Variants in DACH1 observed in about 807,000 individuals in gnomAD.
DACH1 encodes dachshund family transcription factor 1.
In DACH1, 12 loss-of-function variants were observed where a neutral mutation model predicts 54.2. That is an observed-to-expected ratio of 0.22 (90% CI 0.14 to 0.36). The LOEUF (loss-of-function observed/expected upper bound fraction) is 0.36. DACH1 is among the 10% of genes least tolerant of loss of function. DACH1 has a pLI of 1.00. For synonymous variants in DACH1, 386 were observed against 366.2 expected (o/e 1.05, Z -0.62); for missense variants, 805 against 929.8 (o/e 0.87, Z 1.75).
At chr13:71,635,275 C>T (rs1319895476) in intron 2 of DACH1, among the ~76,000 whole-genome samples, 1 of 152,146 alleles carries the variant, frequency 6.6e-6, no homozygotes, top group Non-Finnish European at 1.5e-5. Context: ...GTATGTCTTG[C>T]CTAGGGCTGG....
At chr13:71,598,776 A>C (rs2138484123) in intron 3 of DACH1, among the ~76,000 whole-genome samples, 1 of 152,230 alleles carries the variant, frequency 6.6e-6, no homozygotes, top group East Asian at 1.9e-4. Context: ...AAAATAGAAA[A>C]CCTATTTAAT....
chr13:71,512,906 T>C (rs972185134), intron 6 of DACH1, among the ~76,000 whole-genome samples: 2 of 151,880 alleles, frequency 1.3e-5, no homozygotes, highest in African/African-American at 4.8e-5. Context: ...AGATTATACA[T>C]TTTTAAAAAG....
chr13:71,841,255 G>T (rs1257759131), intron 1 of DACH1, among the ~76,000 whole-genome samples: 3 of 151,984 alleles, frequency 2.0e-5, no homozygotes, highest in Non-Finnish European at 4.4e-5. Context: ...TATGTGCTGT[G>T]AGGCAACTCA....
intron 1 of DACH1, among the ~76,000 whole-genome samples, chr13:71,790,957 C>T (rs1324649399): frequency 1.3e-5 from 2 of 152,150 alleles, no homozygotes; most frequent in Non-Finnish European, 2.9e-5. Context: ...AACATATGAA[C>T]ATTAAATCTG....
chr13:71,748,954 C>CTT (rs1884794826), intron 1 of DACH1, among the ~76,000 whole-genome samples: 4 of 43,376 alleles, frequency 9.2e-5, no homozygotes, highest in East Asian at 3.8e-4. Context: ...CTTTCTTTCT[C>CTT]TCTTTCTTTC....
intron 1 of DACH1, among the ~76,000 whole-genome samples, chr13:71,705,446 A>C (rs1181807796): frequency 6.6e-6 from 1 of 152,224 alleles, no homozygotes; most frequent in African/African-American, 2.4e-5. Flanking sequence ...CTTGCTTATA[A>C]GTAGATAAGG....
At position 71,494,136 on chromosome 13, in the gene DACH1, G is replaced by C. The variant is rs547090211; in HGVS notation, c.1571-4988C>G. Among the ~76,000 whole-genome samples, 16 of 152,174 alleles carry C rather than the reference G, an allele frequency of 1.1e-4. No homozygotes were observed. The South Asian group carries it at 3.3e-3, about 32-fold the overall frequency. On this transcript the variant is annotated intron_variant, in intron 6 of 10. Transcript: ENST00000613252. ...ACTAGAATACTGTTATTTTTTAGAG[G>C]ACTACACATGGGTAGGGTCTGGCAG...
At position 71,596,350 on chromosome 13, in the gene DACH1, C is replaced by T. The variant is rs149038064; in HGVS notation, c.1127-23338G>A. 3.9e-3 allele frequency among the ~76,000 whole-genome samples: 599 copies of T among 152,110 alleles called. 1 individual carries two copies. The highest frequency in any genetic ancestry group is 7.9e-3 in the South Asian group (38 of 4,814). On this transcript the variant is annotated intron_variant, in intron 3 of 10. Transcript: ENST00000613252. ...CTCCAAATACTGGAAAATACAGAGA[C>T]GACATGATTCTGCCCTCAAAGCGCT...
chr13:71,663,831 G>A (rs528342621), intron 2 of DACH1, among the ~76,000 whole-genome samples: 41 of 151,736 alleles, frequency 2.7e-4, no homozygotes, highest in Admixed American at 1.2e-3. Flanking sequence ...TAATTCACAC[G>A]GCTGTCTCAA....
At chr13:71,662,943 T>C (rs567297686) in intron 2 of DACH1, among the ~76,000 whole-genome samples, 2 of 152,118 alleles carry the variant, frequency 1.3e-5, no homozygotes, top group South Asian at 2.1e-4. Flanking sequence ...GGCAATGTCA[T>C]TCATCTTTGC....
chr13:71,722,854 G>A (rs887232402), intron 1 of DACH1, among the ~76,000 whole-genome samples: 6 of 152,152 alleles, frequency 3.9e-5, no homozygotes, highest in African/African-American at 1.2e-4. Flanking sequence ...CATAAACTAC[G>A]ATGGAGCTGG....
chr13:71,632,963 T>C lies in DACH1; in HGVS notation c.965-2246A>G, dbSNP rs184083606. ...TTCTCTTAAAAGTCTCTTTGTGTTT[T>C]CCAGCAAATCTTTCTTCCTCAATTT... On this transcript the variant is annotated intron_variant, in intron 2 of 10. Transcript: ENST00000613252. 3.3e-5 allele frequency among the ~76,000 whole-genome samples: 5 copies of C among 152,328 alleles called. No individual in the cohort carries two copies. In the East Asian group the frequency reaches 9.7e-4, roughly 29 times the overall value.
chr13:71,447,324 A>C (rs1874555345), intron 10 of DACH1, among the ~76,000 whole-genome samples: 1 of 144,216 alleles, frequency 6.9e-6, no homozygotes, highest in African/African-American at 2.9e-5. Flanking sequence ...GTCTGAGGAG[A>C]CAGACAGGAG....
At chr13:71,702,651 T>C (rs1168060604) in intron 1 of DACH1, among the ~76,000 whole-genome samples, 6 of 152,124 alleles carry the variant, frequency 3.9e-5, no homozygotes, top group Non-Finnish European at 8.8e-5. Flanking sequence ...CTAACATCTT[T>C]CCTGAAACAC....
intron 1 of DACH1, among the ~76,000 whole-genome samples, chr13:71,803,351 A>G (rs1017756066): frequency 6.6e-6 from 1 of 152,124 alleles, no homozygotes; most frequent in African/African-American, 2.4e-5. Context: ...CTGTTCATGT[A>G]TATTTTTTGA....
chr13:71,473,247 T>C (rs2138167314), intron 10 of DACH1, among the ~76,000 whole-genome samples: 1 of 152,284 alleles, frequency 6.6e-6, no homozygotes, highest in East Asian at 1.9e-4. Context: ...CTATTACAAT[T>C]AAAGGCAAAA....
At chr13:71,781,099 C>T in intron 1 of DACH1, among the ~76,000 whole-genome samples, 1 of 152,114 alleles carries the variant, frequency 6.6e-6, no homozygotes, top group South Asian at 2.1e-4. Flanking sequence ...AGTGACACTG[C>T]ACTCCAGCCT....
chr13:71,681,992 G>T, intron 1 of DACH1, 82 bp from the exon 2 acceptor site: 1 of 746,024 alleles, frequency 1.3e-6, no homozygotes, highest in Non-Finnish European at 2.1e-6. Flanking sequence ...TGGTAACATG[G>T]ACTGTAAATA....
chr13:71,731,534 C>T (rs1005684420), intron 1 of DACH1, among the ~76,000 whole-genome samples: 2 of 152,118 alleles, frequency 1.3e-5, no homozygotes, highest in Admixed American at 6.5e-5. Flanking sequence ...CGACCCGCCT[C>T]GGCCTCCCAA....
Sources: gnomAD v4.1 joint callset for allele counts (sites outside exome capture counted in the v4.1 genomes callset) on GRCh38, gnomAD v4.1.1 for gene constraint, MANE v1.5 for transcripts, NCBI Gene and HGNC (gene_info 2026-07-23, HGNC 2026-07-21) for gene names.